WDR11: variants seen among roughly 807,000 people sequenced by gnomAD.
WDR11 encodes the protein WD repeat-containing protein 11.
WDR11 carries 83 observed loss-of-function variants against 151.2 expected under a neutral mutation model. That is an observed-to-expected ratio of 0.55 (90% CI 0.46 to 0.66). The LOEUF (loss-of-function observed/expected upper bound fraction) is 0.66. Ranked by LOEUF, WDR11 falls within the 30% of genes least tolerant of loss-of-function variation. WDR11 has a pLI of 0.00. For synonymous variants in WDR11, 484 were observed against 533.1 expected (o/e 0.91, Z 1.27); for missense variants, 1,301 against 1,480.9 (o/e 0.88, Z 1.99).
chr10:120,905,856 AACACAGGC>A lies in WDR11; in HGVS notation c.3292-19_3292-12del. On this transcript the variant is annotated splice_polypyrimidine_tract_variant and intron_variant, in intron 26 of 28. Transcript: ENST00000263461. The stretch of plus-strand genomic sequence containing the variant: ...TAGAGTGCAGGATGTTTTTGTTGTT[AACACAGGC>A]GTCTTTCTCAGGTCCGTTTGAATCC... 6.2e-7 allele frequency: 1 copy of A among 1,614,152 alleles called. No homozygotes were observed. The highest frequency in any genetic ancestry group is 8.5e-7 in the Non-Finnish European group (1 of 1,180,032).
rs1313760603 is a variant in WDR11 at position 120,858,793 on chromosome 10, C to T, written c.349C>T (p.Gln117Ter). The T allele has an allele frequency of 1.9e-6, 3 of 1,614,126 alleles. No individual in the cohort carries two copies. The Admixed American group carries it at 5.0e-5, about 27-fold the overall frequency. ...GATCCAAGAGCATGCCAAGCCTATC[C>T]AGGGTGAGGAAAGTCTGCTCAGCTA... ...CEIQEHAKPIQDVQWLWNQDA... is the reference protein window; with the variant it reads ...CEIQEHAKPI The change falls in exon 3 of 29, where the codon CAG becomes TAG. Residue 117 changes from glutamine to a stop codon, truncating the protein, a stop_gained. Coordinates refer to ENST00000263461, the MANE Select transcript of WDR11 (RefSeq NM_018117.12). LOFTEE classifies it high-confidence loss of function.
chr10:120,865,597 G>T, intron 6 of WDR11, 33 bp from the exon 7 acceptor site: 1 of 1,414,154 alleles, frequency 7.1e-7, no homozygotes, highest in Non-Finnish European at 9.9e-7. Flanking sequence ...AATCTATTGT[G>T]TTTTAAAAAA....
intron 4 of WDR11, among the ~76,000 whole-genome samples, chr10:120,860,533 G>A (rs1027164307): frequency 1.4e-4 from 21 of 152,212 alleles, no homozygotes; most frequent in Non-Finnish European, 2.5e-4. Flanking sequence ...TTTGTGAATA[G>A]TATTAGACTA....
rs545774902 is a variant in WDR11, at chr10:120,880,758, C to T, written c.1664-68C>T. On this transcript the variant is annotated intron_variant, in intron 12 of 28. Transcript: ENST00000263461. ...GGTAGGACTGATCAAATTACATTGGCGTGGCTTCTTGTTTTTCATACATGT... is the reference window on the plus strand; with the variant it reads ...GGTAGGACTGATCAAATTACATTGGTGTGGCTTCTTGTTTTTCATACATGT... 33 of 1,323,384 alleles carry T rather than the reference C, an allele frequency of 2.5e-5. No individual in the cohort carries two copies. In the Admixed American group the frequency reaches 3.3e-4, roughly 13 times the overall value. The allele number at this position is 1,323,384 out of a possible 1,614,324, so 82.0% of individuals were successfully genotyped here. A position where few individuals can be genotyped will look rare whatever the true frequency, so the allele number is the denominator to read the frequency against.
At position 120,903,024 on chromosome 10, in the gene WDR11, T is replaced by C. The variant is rs181109867; in HGVS notation, c.2754-31T>C. ...AGCCATCCAGGCCAGGTGTGCTGAG[T>C]GCAGTCAAAACTTTGCTTCATCCTT... is the stretch of plus-strand genomic sequence containing the variant. On this transcript the variant is annotated intron_variant, in intron 22 of 28. Transcript: ENST00000263461. The C allele has an allele frequency of 2.3e-5, 37 of 1,612,342 alleles. No homozygotes were observed. The African/African-American group carries it at 4.1e-4, about 18-fold the overall frequency.
At chr10:120,900,984 C>A in intron 20 of WDR11, 52 bp from the exon 21 acceptor site, 1 of 1,257,246 alleles carries the variant, frequency 8.0e-7, no homozygotes, top group Non-Finnish European at 1.2e-6. Flanking sequence ...TGAAGAAATA[C>A]GTGGTTTTAA....
intron 2 of WDR11, 53 bp from the exon 3 acceptor site, chr10:120,858,590 T>C (rs113078938): frequency 6.2e-7 from 1 of 1,607,800 alleles, no homozygotes; most frequent in Non-Finnish European, 8.5e-7. Context: ...GAAAATTATG[T>C]TCTGTTTCAT....
rs781648078 is a variant in WDR11 at position 120,865,587 on chromosome 10, AATCT to A, written c.880-40_880-37del. ...TGAGTTTCACAGTATATACTTTATT[AATCT>A]ATTGTGTTTTAAAAAATAAATATAT... On this transcript the variant is annotated intron_variant, in intron 6 of 28. Coordinates refer to ENST00000263461, the MANE Select transcript of WDR11 (RefSeq NM_018117.12). 9.2e-6 allele frequency: 12 copies of A among 1,303,410 alleles called. No homozygotes were observed. The African/African-American group carries it at 1.2e-4, about 13-fold the overall frequency. 80.7% of individuals were successfully genotyped at this position (1,303,410 alleles called of 1,614,324 possible). A position where few individuals can be genotyped will look rare whatever the true frequency, so the allele number is the denominator to read the frequency against.
intron 14 of WDR11, among the ~76,000 whole-genome samples, chr10:120,884,368 T>A (rs1053417166): frequency 2.0e-5 from 3 of 152,138 alleles, no homozygotes; most frequent in Non-Finnish European, 2.9e-5. Context: ...TAATATACAG[T>A]AAAGTAGCAC....
chr10:120,875,266 A>G (rs886810650), intron 11 of WDR11, among the ~76,000 whole-genome samples: 1 of 152,184 alleles, frequency 6.6e-6, no homozygotes, highest in Non-Finnish European at 1.5e-5. Context: ...CTTTGTTTAA[A>G]CATCATCAGA....
At chr10:120,902,939 G>A in intron 22 of WDR11, 116 bp from the exon 23 acceptor site, 1 of 1,091,580 alleles carries the variant, frequency 9.2e-7, no homozygotes, top group Non-Finnish European at 1.4e-6. Context: ...CAGGCCCCAT[G>A]CCAGTATCCC....
chr10:120,866,007 T>C (rs1303652191), intron 7 of WDR11, among the ~76,000 whole-genome samples: 1 of 152,086 alleles, frequency 6.6e-6, no homozygotes, highest in East Asian at 1.9e-4. Context: ...GATATTATTT[T>C]TTGGAATTTT....
At chr10:120,903,032 A>G (rs982095991) in intron 22 of WDR11, 23 bp from the exon 23 acceptor site, 20 of 1,613,022 alleles carry the variant, frequency 1.2e-5, no homozygotes, top group Non-Finnish European at 1.7e-5. Flanking sequence ...AGTGCAGTCA[A>G]AACTTTGCTT....
intron 15 of WDR11, 127 bp downstream of exon 15, chr10:120,886,065 A>G (rs1847205392): frequency 8.5e-7 from 1 of 1,177,888 alleles, no homozygotes; most frequent in Admixed American, 2.0e-5. Context: ...ACTTAGTTTC[A>G]TCTTTCAGTA....
At position 120,903,427 on chromosome 10, in the gene WDR11, T is replaced by A. The variant is rs1386447870; in HGVS notation, c.2931+195T>A. On this transcript the variant is annotated intron_variant, in intron 23 of 28. Coordinates refer to ENST00000263461, the MANE Select transcript of WDR11 (RefSeq NM_018117.12). ...CAGGAGGCTGAGGGAGGAGAATCAC[T>A]TGAACCCAGGAGGCGGAGGTTGCAG... Among the ~76,000 whole-genome samples the A allele has an allele frequency of 5.9e-5, 9 of 151,916 alleles. No homozygotes were observed. The South Asian group carries it at 1.9e-3, about 32-fold the overall frequency.
rs377749562 is a variant in WDR11, at chr10:120,898,604, G to T, written c.2516-1425G>T. Among the ~76,000 whole-genome samples the T allele has an allele frequency of 4.5e-4, 68 of 152,280 alleles. 1 individual carries two copies. The highest frequency in any genetic ancestry group is 1.6e-3 in the African/African-American group (65 of 41,542). ...ACAGGTCAGGGGAGGCAGCTGGTAG[G>T]GGGTGATTGGATCATGGGGGCAGAT... On this transcript the variant is annotated intron_variant, in intron 19 of 28. Coordinates refer to ENST00000263461, the MANE Select transcript of WDR11 (RefSeq NM_018117.12).
At chr10:120,859,281 T>C (rs1042248195) in intron 3 of WDR11, among the ~76,000 whole-genome samples, 1 of 150,802 alleles carries the variant, frequency 6.6e-6, no homozygotes, top group Non-Finnish European at 1.5e-5. Context: ...TCTTTTTTTT[T>C]TTTTGAGATG....
chr10:120,880,497 T>C (rs1846960392), intron 12 of WDR11: 1 of 326,864 alleles, frequency 3.1e-6, no homozygotes, highest in Non-Finnish European at 5.9e-6. Flanking sequence ...CCATCTCTAC[T>C]AGGAGTACAA....
At chr10:120,873,397 A>T (rs1846617105) in intron 10 of WDR11, among the ~76,000 whole-genome samples, 1 of 152,234 alleles carries the variant, frequency 6.6e-6, no homozygotes, top group African/African-American at 2.4e-5. Context: ...TTATTTAATA[A>T]AAGAGACAAA....
Sources: allele counts gnomAD v4.1 joint callset (sites outside exome capture counted in the v4.1 genomes callset), GRCh38; gene constraint gnomAD v4.1.1; transcripts MANE v1.5; gene names NCBI Gene and HGNC (gene_info 2026-07-23, HGNC 2026-07-21).